Variants in RAB3GAP2 observed in about 807,000 individuals in gnomAD.
RAB3GAP2 encodes the protein rab3 GTPase-activating protein non-catalytic subunit.
Under a neutral mutation model 185.3 loss-of-function variants are expected in RAB3GAP2, and 87 were observed. The ratio of observed to expected loss-of-function variants is 0.47; its 90% CI spans 0.39 to 0.56. The LOEUF (loss-of-function observed/expected upper bound fraction) is 0.56. Among genes scored for constraint, RAB3GAP2 ranks in the 20% least tolerant of loss-of-function variants. RAB3GAP2 has a pLI of 0.00. For synonymous variants in RAB3GAP2, 554 were observed against 576.1 expected, an observed-to-expected ratio of 0.96 and a Z score of 0.55; for missense variants, 1,492 against 1,638.2, an observed-to-expected ratio of 0.91 and a Z score of 1.54.
At position 220,191,052 on chromosome 1, in the gene RAB3GAP2, A is replaced by T; in HGVS notation, c.1487+16T>A. On this transcript the variant is annotated intron_variant, in intron 14 of 34. Coordinates refer to ENST00000358951, the MANE Select transcript of RAB3GAP2 (RefSeq NM_012414.4). ...TTCATTTTGTAACCAGCACAATGCC[A>T]GCATTTGCAGCTTACCTGCAGTGCT... is the stretch of plus-strand genomic sequence containing the variant. The T allele has an allele frequency of 1.2e-6, 2 of 1,601,064 alleles. No homozygotes were observed. The highest frequency in any genetic ancestry group is 1.7e-6 in the Non-Finnish European group (2 of 1,168,822).
intron 1 of RAB3GAP2, 50 bp downstream of exon 1, chr1:220,272,173 G>A (rs770396485): frequency 1.4e-6 from 2 of 1,477,584 alleles, no homozygotes; most frequent in Non-Finnish European, 1.9e-6. Flanking sequence ...CCCGTGAGCA[G>A]AGGCCGCGGG....
chr1:220,257,754 C>T (rs1345323614), intron 1 of RAB3GAP2, among the ~76,000 whole-genome samples: 2 of 151,546 alleles, frequency 1.3e-5, no homozygotes, highest in Non-Finnish European at 2.9e-5. Flanking sequence ...GATAGAGGCA[C>T]AAAAAGCCCT....
chr1:220,236,512 T>C (rs909882008), intron 1 of RAB3GAP2, among the ~76,000 whole-genome samples: 5 of 152,144 alleles, frequency 3.3e-5, no homozygotes, highest in African/African-American at 1.2e-4. Context: ...AGTGATTTAA[T>C]TTTTGTGGCC....
At chr1:220,254,064 A>T in intron 1 of RAB3GAP2, 5 of 1,613,830 alleles carry the variant, frequency 3.1e-6, no homozygotes, top group Non-Finnish European at 4.2e-6. Context: ...AATAGCTAAA[A>T]CCGTGGCTTG....
intron 1 of RAB3GAP2, among the ~76,000 whole-genome samples, chr1:220,243,298 A>G (rs1459295717): frequency 6.6e-6 from 1 of 151,222 alleles, no homozygotes; most frequent in Non-Finnish European, 1.5e-5. Context: ...AGCTTGCAGT[A>G]AGCCGAGATC....
chr1:220,216,916 C>T (rs956998443), intron 2 of RAB3GAP2, among the ~76,000 whole-genome samples: 1 of 151,590 alleles, frequency 6.6e-6, no homozygotes, highest in African/African-American at 2.4e-5. Context: ...AATATTGTTC[C>T]TATGTTTCTG....
intron 2 of RAB3GAP2, among the ~76,000 whole-genome samples, chr1:220,214,972 A>ATATATATATATATATATATATG (rs1313728513): frequency 1.4e-5 from 2 of 144,222 alleles, no homozygotes; most frequent in African/African-American, 5.1e-5. Context: ...ATATATATAT[A>ATATATATATATATATATATATG]TATACTTCTA....
intron 26 of RAB3GAP2, among the ~76,000 whole-genome samples, chr1:220,166,890 C>T (rs1040756680): frequency 5.9e-5 from 9 of 152,102 alleles, no homozygotes; most frequent in South Asian, 2.1e-4. Context: ...ATATTGTGTT[C>T]GGTTGGGGCC....
chr1:220,211,707 T>A (rs1033886677), intron 4 of RAB3GAP2, among the ~76,000 whole-genome samples: 3 of 152,214 alleles, frequency 2.0e-5, no homozygotes, highest in African/African-American at 7.2e-5. Flanking sequence ...AACCTGAGGA[T>A]CATCACCAGC....
At chr1:220,151,464 A>G (rs1657752526) in intron 34 of RAB3GAP2, 58 bp from the exon 35 acceptor site, 1 of 1,607,580 alleles carries the variant, frequency 6.2e-7, no homozygotes, top group Non-Finnish European at 8.5e-7. Flanking sequence ...ATTGTTATTG[A>G]CTTAAGAGTT....
chr1:220,262,097 G>A lies in RAB3GAP2; in HGVS notation c.115+10126C>T, dbSNP rs534998169. On this transcript the variant is annotated intron_variant, in intron 1 of 34. Transcript: ENST00000358951. ...GAGGTCAGGAGATCGAGACCATCCT[G>A]GCTAACACAGTGAAACCCCATCTCT... Among the ~76,000 whole-genome samples the A allele has an allele frequency of 8.5e-3, 1,276 of 149,550 alleles. 3 individuals carry two copies. Among genetic ancestry groups the A allele is most frequent in the Middle Eastern group, 0.017 (5 of 288 alleles).
At chr1:220,220,663 G>A (rs1044736778) in intron 2 of RAB3GAP2, 1 of 152,242 alleles carries the variant, frequency 6.6e-6, no homozygotes, top group African/African-American at 2.4e-5. Flanking sequence ...ATTCCCACGT[G>A]TTGTGGGAAG....
chr1:220,151,570 A>G (rs779705943), intron 34 of RAB3GAP2, 36 bp downstream of exon 34: 2 of 1,594,064 alleles, frequency 1.3e-6, no homozygotes, highest in Non-Finnish European at 1.7e-6. Context: ...AAAACATCCA[A>G]TGACCTTTTG....
intron 1 of RAB3GAP2, chr1:220,267,232 T>C (rs1660244152): frequency 4.4e-6 from 4 of 917,616 alleles, no homozygotes; most frequent in African/African-American, 3.3e-5. Flanking sequence ...TCTCTGCTCA[T>C]CAAACTTTGA....
intron 24 of RAB3GAP2, among the ~76,000 whole-genome samples, chr1:220,168,162 A>C (rs145054473): frequency 0.071 from 10,864 of 152,170 alleles, 528 homozygotes; most frequent in South Asian, 0.15. Context: ...GTGCGATCTC[A>C]GCTCACTGCA....
rs111859466 is a variant in RAB3GAP2 at position 220,232,806 on chromosome 1, T to G, written c.173A>C (p.Gln58Pro). 9.4e-5 allele frequency: 152 copies of G among 1,613,172 alleles called. No homozygotes were observed. The African/African-American group carries it at 1.7e-3, about 19-fold the overall frequency. Residue 58 changes from glutamine (Q) to proline (P), a missense_variant, in exon 2 of 35, where the codon CAA (glutamine) becomes CCA (proline). Gln to Pro is a moderately conservative substitution (Grantham distance 76). Coordinates refer to ENST00000358951, the MANE Select transcript of RAB3GAP2 (RefSeq NM_012414.4). The part of the protein sequence containing the change: ...GWGAWEENEP[Q>P]EPEEEGNTCK... The stretch of plus-strand genomic sequence containing the variant: ...ATATTTGTAAAGACTTACAGGTTCT[T>G]GTGGTTCATTTTCTTCCCATGCTCC...
At chr1:220,199,690 T>G (rs943619754) in intron 9 of RAB3GAP2, among the ~76,000 whole-genome samples, 3 of 152,068 alleles carry the variant, frequency 2.0e-5, no homozygotes, top group African/African-American at 7.2e-5. Flanking sequence ...AATCTCTTCC[T>G]CTCCTCCTCC....
At chr1:220,260,877 C>G (rs367809930) in intron 1 of RAB3GAP2, among the ~76,000 whole-genome samples, 1 of 152,136 alleles carries the variant, frequency 6.6e-6, no homozygotes, top group Non-Finnish European at 1.5e-5. Flanking sequence ...GGCTTGAACA[C>G]TTCAAATGTA....
intron 28 of RAB3GAP2, among the ~76,000 whole-genome samples, chr1:220,161,530 T>C (rs1348382038): frequency 6.6e-6 from 1 of 152,226 alleles, no homozygotes; most frequent in Non-Finnish European, 1.5e-5. Context: ...TTATATGTTA[T>C]GCTTGTTCCC....
Sources: gnomAD v4.1 joint callset for allele counts (sites outside exome capture counted in the v4.1 genomes callset) on GRCh38, gnomAD v4.1.1 for gene constraint, MANE v1.5 for transcripts, NCBI Gene and HGNC (gene_info 2026-07-23, HGNC 2026-07-21) for gene names.